IQCH: variants seen among roughly 807,000 people sequenced by gnomAD.
IQCH encodes the protein IQ motif containing H.
Under a neutral mutation model 117.0 loss-of-function variants are expected in IQCH, and 98 were observed. The ratio of observed to expected loss-of-function variants is 0.84; its 90% confidence interval spans 0.71 to 0.99. The LOEUF (loss-of-function observed/expected upper bound fraction) is 0.99, where lower values mean the gene tolerates loss of function less well. Among genes scored for constraint, IQCH ranks in the 50% least tolerant of loss-of-function variants. The probability of loss-of-function intolerance (pLI) is 0.00; values close to 1 mark genes in which losing one functional copy is unlikely to be tolerated. For missense variants in IQCH, 1,102 were observed against 1,243.8 expected (o/e 0.89, Z 1.72); for synonymous variants, 412 against 448.2 (o/e 0.92, Z 1.02).
chr15:67,267,809 T>G (rs547942736), intron 3 of IQCH, among the ~76,000 whole-genome samples: 1 of 152,150 alleles, frequency 6.6e-6, no homozygotes, highest in African/African-American at 2.4e-5. Context: ...GGAAATAGAG[T>G]TAATTCCAAA....
Position 67,400,259 on chromosome 15 carries a change from A to C in IQCH, c.2051A>C (p.Glu684Ala), listed in dbSNP as rs565062862. The C allele has an allele frequency of 1.2e-5, 20 of 1,613,692 alleles. No individual in the cohort carries two copies. The African/African-American group carries it at 2.7e-4, about 22-fold the overall frequency. The change falls in exon 14 of 21, where the codon GAG becomes GCG. Residue 684 changes from glutamate to alanine, a missense_variant. Around this residue, in one of 2 missense-constraint regions of IQCH, gnomAD observed 650 missense variants for 794.3 expected, o/e 0.82. Coordinates refer to ENST00000335894, the MANE Select transcript of IQCH (RefSeq NM_001031715.3). ...AAGTGCTACAAATGGGTGCTAAAGG[A>C]GAGTAGCAGATATGGCCTTGAAGAC... ...YLKCYKWVLK[E>A]SSRYGLEDWR...
intron 6 of IQCH, 115 bp downstream of exon 6, chr15:67,344,306 G>T: frequency 1.2e-6 from 1 of 811,954 alleles, no homozygotes; most frequent in Non-Finnish European, 1.9e-6. Flanking sequence ...GATGAAAGTT[G>T]TAATCATCCT....
At chr15:67,267,278 T>A (rs1187338771) in intron 3 of IQCH, among the ~76,000 whole-genome samples, 3 of 152,214 alleles carry the variant, frequency 2.0e-5, no homozygotes, top group African/African-American at 7.2e-5. Flanking sequence ...GGTACTCTAT[T>A]TGAGAGACAA....
chr15:67,486,105 A>AGATGG (rs1397934133), intron 18 of IQCH, among the ~76,000 whole-genome samples: 3 of 132,454 alleles, frequency 2.3e-5, no homozygotes, highest in Non-Finnish European at 4.6e-5. Flanking sequence ...ATCTCGGCTC[A>AGATGG]CTGCAACCTC....
In IQCH at chr15:67,494,344, T is replaced by G; in HGVS notation, c.2948T>G (p.Met983Arg). Residue 983 changes from methionine (M) to arginine (R), a missense_variant, in exon 20 of 21, where the codon ATG (methionine) becomes AGG (arginine). Coordinates refer to ENST00000335894, the MANE Select transcript of IQCH (RefSeq NM_001031715.3). The surrounding 1 kb of genome is among the most constrained non-coding windows in gnomAD (Gnocchi z 5.5). The stretch of plus-strand genomic sequence containing the variant: ...CATCAAGAAATATCAGCACCTAATA[T>G]GCAAGGCGAGACCAATTTTAAGGTG... ...IIHQEISAPN[M>R]QGETNFKTTI... The G allele has an allele frequency of 6.2e-7, 1 of 1,612,704 alleles. No individual in the cohort carries two copies. Among genetic ancestry groups the G allele is most frequent in the Admixed American group, 1.7e-5 (1 of 59,660 alleles).
rs1381999442 is a variant in IQCH, at chr15:67,494,301, C to T, written c.2905C>T (p.Arg969Cys). 2 of 1,613,220 alleles carry T rather than the reference C, an allele frequency of 1.2e-6. No individual in the cohort carries two copies. The highest frequency in any genetic ancestry group is 1.3e-5 in the African/African-American group (1 of 75,054). The change falls in exon 20 of 21, where the codon CGC becomes TGC. Residue 969 changes from arginine (R) to cysteine (C), a missense_variant. Arg to Cys is a radical substitution (Grantham distance 180). This residue lies in a region of IQCH where 650 missense variants were observed against 794.3 expected (regional missense o/e 0.82). Transcript: ENST00000335894. This position sits in a 1 kb window ranked among gnomAD's most constrained non-coding sequence, Gnocchi z 5.5. ...DLQGVLMTFA[R>C]HLFIIHQEIS... ...CCAGGGGGTCCTCATGACCTTTGCT[C>T]GCCATCTCTTCATCATCCATCAAGA...
chr15:67,274,595 A>G (rs936225724), intron 3 of IQCH, among the ~76,000 whole-genome samples: 7 of 152,134 alleles, frequency 4.6e-5, no homozygotes, highest in African/African-American at 7.2e-5. Context: ...GAGTTTCCTT[A>G]TAATTGCTAT....
intron 4 of IQCH, among the ~76,000 whole-genome samples, chr15:67,323,017 C>T (rs1178209254): frequency 1.3e-5 from 2 of 152,038 alleles, no homozygotes; most frequent in Non-Finnish European, 2.9e-5. Flanking sequence ...GAAAGCACAC[C>T]AAATGGGAAG....
chr15:67,465,307 A>G lies in IQCH; in HGVS notation c.2676+10A>G. ...TGCGCTGTCAATGCCGGTAAGCAAG[A>G]GGTGCTTCCTGAAGGTTCTCGGTGT... is the stretch of plus-strand genomic sequence containing the variant. On this transcript the variant is annotated intron_variant, in intron 17 of 20. Coordinates refer to ENST00000335894, the MANE Select transcript of IQCH (RefSeq NM_001031715.3). This position sits in a 1 kb window ranked among gnomAD's most constrained non-coding sequence, Gnocchi z 5.9. The G allele has an allele frequency of 6.2e-7, 1 of 1,611,682 alleles. No individual in the cohort carries two copies. The highest frequency in any genetic ancestry group is 8.5e-7 in the Non-Finnish European group (1 of 1,179,758).
intron 4 of IQCH, among the ~76,000 whole-genome samples, chr15:67,327,381 AT>A (rs1968458247): frequency 6.6e-6 from 1 of 152,146 alleles, no homozygotes; most frequent in African/African-American, 2.4e-5. Flanking sequence ...GAATATTTTG[AT>A]ACTCCATGAT....
chr15:67,407,824 G>A lies in IQCH; in HGVS notation c.2097+7519G>A, dbSNP rs1302240264. On this transcript the variant is annotated intron_variant, in intron 14 of 20. Coordinates refer to ENST00000335894, the MANE Select transcript of IQCH (RefSeq NM_001031715.3). This position sits in a 1 kb window ranked among gnomAD's most constrained non-coding sequence, Gnocchi z 5.3. ...AAAAATGCACAGATCCCACAGTCTGGAAACACTCTACCTTCCAGCCATTAG... is the reference window on the plus strand; with the variant it reads ...AAAAATGCACAGATCCCACAGTCTGAAAACACTCTACCTTCCAGCCATTAG... The A allele has an allele frequency of 1.3e-5, 2 of 152,170 alleles. No individual in the cohort carries two copies. The highest frequency in any genetic ancestry group is 2.9e-5 in the Non-Finnish European group (2 of 68,036). The allele number at this position is 152,170 out of a possible 1,614,324, so 9.4% of individuals were successfully genotyped here.
In IQCH at chr15:67,376,074, A is replaced by T. The variant is rs1314196890; in HGVS notation, c.1372+2641A>T. Among the ~76,000 whole-genome samples, 1 of 152,184 alleles carries T rather than the reference A, an allele frequency of 6.6e-6. No individual in the cohort carries two copies. The highest frequency in any genetic ancestry group is 1.9e-4 in the East Asian group (1 of 5,198). Reference sequence around the variant, plus strand: ...AGTGCTGGGATTATAGGTGTGAGCCACCGCATCCGGCCGTGCTTTGGATTT... The same window carrying T: ...AGTGCTGGGATTATAGGTGTGAGCCTCCGCATCCGGCCGTGCTTTGGATTT... On this transcript the variant is annotated intron_variant, in intron 10 of 20. Coordinates refer to ENST00000335894, the MANE Select transcript of IQCH (RefSeq NM_001031715.3). This position sits in a 1 kb window ranked among gnomAD's most constrained non-coding sequence, Gnocchi z 5.0.
intron 8 of IQCH, among the ~76,000 whole-genome samples, chr15:67,362,797 A>G (rs911371001): frequency 6.6e-6 from 1 of 152,228 alleles, no homozygotes; most frequent in African/African-American, 2.4e-5. Flanking sequence ...CCTCTTTGCT[A>G]TCAAACTATA....
rs565186676 is a variant in IQCH, at chr15:67,426,222, G to A, written c.2505+4645G>A. On this transcript the variant is annotated intron_variant, in intron 16 of 20. Transcript: ENST00000335894. The surrounding 1 kb of genome is among the most constrained non-coding windows in gnomAD (Gnocchi z 5.1). ...CAGAGCTAGCAAGTACATGTATTACGTAGGTACAATACATACACACAGTTA... is the reference window on the plus strand; with the variant it reads ...CAGAGCTAGCAAGTACATGTATTACATAGGTACAATACATACACACAGTTA... Among the ~76,000 whole-genome samples the A allele has an allele frequency of 4.6e-5, 7 of 152,140 alleles. No homozygotes were observed. Among genetic ancestry groups the A allele is most frequent in the African/African-American group, 4.8e-5 (2 of 41,434 alleles).
intron 1 of IQCH, among the ~76,000 whole-genome samples, chr15:67,258,465 A>T (rs1965322239): frequency 6.7e-6 from 1 of 149,622 alleles, no homozygotes; most frequent in Non-Finnish European, 1.5e-5. Flanking sequence ...CGGGAGGTGG[A>T]GGTTGCAGTG....
chr15:67,436,667 C>T lies in IQCH; in HGVS notation c.2505+15090C>T, dbSNP rs940941459. Among the ~76,000 whole-genome samples, 2 of 152,146 alleles carry T rather than the reference C, an allele frequency of 1.3e-5. No homozygotes were observed. Among genetic ancestry groups the T allele is most frequent in the African/African-American group, 4.8e-5 (2 of 41,434 alleles). On this transcript the variant is annotated intron_variant, in intron 16 of 20. Coordinates refer to ENST00000335894, the MANE Select transcript of IQCH (RefSeq NM_001031715.3). This position sits in a 1 kb window ranked among gnomAD's most constrained non-coding sequence, Gnocchi z 5.1. ...CTAGCCTGCAACAAGTTTTCAAGCC[C>T]GTCTTGCCCTCTGCCTGGAAAGAGA...
At chr15:67,379,938 C>T (rs900170297) in intron 10 of IQCH, among the ~76,000 whole-genome samples, 27 of 152,178 alleles carry the variant, frequency 1.8e-4, no homozygotes, top group Admixed American at 7.2e-4. Flanking sequence ...CCGCAACCTC[C>T]GCCTCCTGGG....
intron 18 of IQCH, among the ~76,000 whole-genome samples, chr15:67,480,824 G>A (rs904743963): frequency 2.0e-5 from 3 of 152,080 alleles, no homozygotes; most frequent in African/African-American, 7.2e-5. Flanking sequence ...ACAGCTCTAG[G>A]AGAAACAGTT....
chr15:67,307,196 A>G, intron 4 of IQCH: 1 of 885,488 alleles, frequency 1.1e-6, no homozygotes, highest in East Asian at 1.0e-4. Context: ...TCTACTTTCC[A>G]AATAAATATA....
Sources: allele counts gnomAD v4.1 joint callset (sites outside exome capture counted in the v4.1 genomes callset), GRCh38; gene constraint gnomAD v4.1.1; regional missense constraint gnomAD v4.1.1; non-coding constraint Gnocchi (gnomAD v3.1); transcripts MANE v1.5; gene names NCBI Gene and HGNC (gene_info 2026-07-23, HGNC 2026-07-21).